Variants in NEGR1 observed in about 807,000 individuals in gnomAD.
The protein encoded by NEGR1 is IgLON family member 4.
NEGR1 carries 10 observed loss-of-function variants against 40.9 expected under a neutral mutation model. The observed-to-expected ratio is 0.24, with a 90% CI of 0.15 to 0.42. The LOEUF (loss-of-function observed/expected upper bound fraction) is 0.42, where lower values mean the gene tolerates loss of function less well. NEGR1 is among the 10% of genes least tolerant of loss of function. The pLI is 1.00. For missense variants in NEGR1, 352 were observed against 438.9 expected (o/e 0.80, Z 1.77); for synonymous variants, 185 against 166.8 (o/e 1.11, Z -0.84).
At chr1:71,687,879 CA>C (rs1359373083) in intron 4 of NEGR1, among the ~76,000 whole-genome samples, 1 of 152,158 alleles carries the variant, frequency 6.6e-6, no homozygotes, top group East Asian at 1.9e-4. Flanking sequence ...TTTAAAGTTT[CA>C]TTCTTAGCCC....
Position 72,104,473 on chromosome 1 carries a change from G to A in NEGR1, c.177-169162C>T, listed in dbSNP as rs140750982. 8.1e-3 allele frequency among the ~76,000 whole-genome samples: 1,231 copies of A among 152,112 alleles called. 60 individuals carry two copies. The highest frequency in any genetic ancestry group is 0.064 in the Admixed American group (983 of 15,242). On this transcript the variant is annotated intron_variant, in intron 1 of 6. Transcript: ENST00000357731. ...AGCCTTCAGCAGTTGAAAAAGGCAA[G>A]GAGAAAATTTTATCCTTGAGCTTCC...
chr1:72,235,450 G>T (rs1315556632), intron 1 of NEGR1, among the ~76,000 whole-genome samples: 1 of 151,986 alleles, frequency 6.6e-6, no homozygotes, highest in Non-Finnish European at 1.5e-5. Context: ...CAGGTAAGTA[G>T]AATACAGGAT....
intron 4 of NEGR1, among the ~76,000 whole-genome samples, chr1:71,636,337 C>T (rs954665794): frequency 1.7e-4 from 26 of 151,984 alleles, no homozygotes; most frequent in Admixed American, 1.7e-3. Context: ...TCGTACCTTC[C>T]TCATCTTTAT....
At chr1:72,001,024 T>TC (rs752695328) in intron 1 of NEGR1, among the ~76,000 whole-genome samples, 1 of 151,572 alleles carries the variant, frequency 6.6e-6, no homozygotes, top group East Asian at 1.9e-4. Flanking sequence ...GAAAACTCCA[T>TC]CCCCCGACAC....
chr1:71,938,413 T>G (rs1192322881), intron 1 of NEGR1, among the ~76,000 whole-genome samples: 5 of 91,036 alleles, frequency 5.5e-5, no homozygotes, highest in African/African-American at 2.3e-4. Flanking sequence ...TGTAGGTGTT[T>G]TTTTTTTTTT....
chr1:71,416,564 A>C (rs1646357564), intron 6 of NEGR1, among the ~76,000 whole-genome samples: 1 of 151,944 alleles, frequency 6.6e-6, no homozygotes, highest in Admixed American at 6.6e-5. Context: ...CACTTGTTAC[A>C]CTCTAGATTG....
intron 5 of NEGR1, among the ~76,000 whole-genome samples, chr1:71,605,009 G>A (rs1650033542): frequency 6.6e-6 from 1 of 151,960 alleles, no homozygotes; most frequent in Non-Finnish European, 1.5e-5. Flanking sequence ...ATTCATTGGA[G>A]TAATTTATGT....
chr1:71,818,938 T>C (rs1658324136), intron 2 of NEGR1, among the ~76,000 whole-genome samples: 2 of 152,016 alleles, frequency 1.3e-5, no homozygotes, highest in Admixed American at 6.6e-5. Flanking sequence ...GCTCACATTA[T>C]ATTTCTATTG....
At chr1:72,034,002 C>A (rs934338059) in intron 1 of NEGR1, among the ~76,000 whole-genome samples, 1 of 152,170 alleles carries the variant, frequency 6.6e-6, no homozygotes, top group African/African-American at 2.4e-5. Flanking sequence ...CAACAAAATT[C>A]TGTCCTCTTT....
At chr1:72,208,065 CG>C (rs1448224340) in intron 1 of NEGR1, among the ~76,000 whole-genome samples, 3 of 151,522 alleles carry the variant, frequency 2.0e-5, no homozygotes, top group African/African-American at 7.3e-5. Context: ...AAAAGTTGAT[CG>C]GTTTTTCCTC....
intron 1 of NEGR1, among the ~76,000 whole-genome samples, chr1:72,258,741 AC>A (rs1303145307): frequency 1.3e-5 from 2 of 152,128 alleles, no homozygotes; most frequent in African/African-American, 2.4e-5. Flanking sequence ...ACAATTGAAA[AC>A]TAATCTATTT....
At chr1:72,197,095 A>G (rs1413819637) in intron 1 of NEGR1, among the ~76,000 whole-genome samples, 1 of 152,008 alleles carries the variant, frequency 6.6e-6, no homozygotes, top group Non-Finnish European at 1.5e-5. Flanking sequence ...GAAATTGAAG[A>G]ATACACAAAG....
intron 1 of NEGR1, among the ~76,000 whole-genome samples, chr1:72,166,163 T>G (rs2901653): frequency 0.13 from 19,585 of 152,030 alleles, 1,658 homozygotes; most frequent in Non-Finnish European, 0.19. Context: ...AGGGAATCTT[T>G]GAGCGCACAA....
At chr1:71,567,569 T>C (rs1648657705) in intron 6 of NEGR1, among the ~76,000 whole-genome samples, 1 of 152,194 alleles carries the variant, frequency 6.6e-6, no homozygotes, top group Non-Finnish European at 1.5e-5. Context: ...GTGCCTTTGC[T>C]CTGCTATTGC....
intron 6 of NEGR1, among the ~76,000 whole-genome samples, chr1:71,550,649 G>C (rs1570018167): frequency 6.6e-6 from 1 of 151,658 alleles, no homozygotes; most frequent in East Asian, 2.0e-4. Flanking sequence ...TAGCTCCTGA[G>C]ACCACAGCCT....
At chr1:71,694,590 T>C (rs1653411618) in intron 4 of NEGR1, among the ~76,000 whole-genome samples, 1 of 151,772 alleles carries the variant, frequency 6.6e-6, no homozygotes, top group South Asian at 2.1e-4. Flanking sequence ...TGCTAGGTAA[T>C]TAAATTGAAT....
At chr1:72,101,049 CA>C (rs1260799178) in intron 1 of NEGR1, 1 of 152,188 alleles carries the variant, frequency 6.6e-6, no homozygotes, top group Admixed American at 6.5e-5. Context: ...TCAAAAGCCC[CA>C]TCTCCATTTA....
At chr1:71,596,956 C>T (rs1009817217) in intron 5 of NEGR1, among the ~76,000 whole-genome samples, 1 of 152,092 alleles carries the variant, frequency 6.6e-6, no homozygotes, top group Non-Finnish European at 1.5e-5. Context: ...AATGATATAT[C>T]ATTTTATATG....
At chr1:72,101,551 C>T (rs368528221) in intron 1 of NEGR1, among the ~76,000 whole-genome samples, 13 of 152,028 alleles carry the variant, frequency 8.6e-5, no homozygotes, top group Non-Finnish European at 1.9e-4. Flanking sequence ...TTTGAATTCA[C>T]CAAGATTTCA....
Sources: gnomAD v4.1 joint callset for allele counts (sites outside exome capture counted in the v4.1 genomes callset) on GRCh38, gnomAD v4.1.1 for gene constraint, MANE v1.5 for transcripts, NCBI Gene and HGNC (gene_info 2026-07-23, HGNC 2026-07-21) for gene names.